ATG5: variants seen among roughly 807,000 people sequenced by gnomAD.
ATG5 encodes autophagy protein 5.
Under a neutral mutation model 36.5 loss-of-function variants are expected in ATG5, and 14 were observed. The observed-to-expected ratio is 0.38, with a 90% confidence interval of 0.25 to 0.60. The LOEUF is 0.60. ATG5 is among the 20% of genes least tolerant of loss of function. The pLI is 0.60. For missense variants in ATG5, 195 were observed against 326.7 expected, an observed-to-expected ratio of 0.60 and a Z score of 3.11; for synonymous variants, 95 against 101.5, an observed-to-expected ratio of 0.94 and a Z score of 0.38.
At chr6:106,276,879 G>A (rs1052342094) in intron 5 of ATG5, among the ~76,000 whole-genome samples, 1 of 152,168 alleles carries the variant, frequency 6.6e-6, no homozygotes, top group Non-Finnish European at 1.5e-5. Context: ...TTAAGGAGGT[G>A]TAAATTATTG....
At chr6:106,203,905 A>G (rs1381871370) in intron 6 of ATG5, among the ~76,000 whole-genome samples, 5 of 152,194 alleles carry the variant, frequency 3.3e-5, no homozygotes, top group Non-Finnish European at 5.9e-5. Context: ...CACAACTGTT[A>G]GAGATTTGGT....
chr6:106,294,439 A>C (rs917690398), intron 3 of ATG5, among the ~76,000 whole-genome samples: 3 of 151,470 alleles, frequency 2.0e-5, no homozygotes, highest in Non-Finnish European at 2.9e-5. Flanking sequence ...TATATATATA[A>C]TTGTATATAT....
chr6:106,278,479 C>G (rs775715285), intron 5 of ATG5, among the ~76,000 whole-genome samples: 2 of 152,114 alleles, frequency 1.3e-5, no homozygotes, highest in Non-Finnish European at 2.9e-5. Context: ...ACATCTTCAT[C>G]CTTTTGTCAC....
At position 106,221,284 on chromosome 6, in the gene ATG5, TTTTA is replaced by T. The variant is rs1391155410; in HGVS notation, c.574-19199_574-19196del. The stretch of plus-strand genomic sequence containing the variant: ...TTCTTCTAAGAGCTGTACATTAAGA[TTTTA>T]TTTGTGATATAAATACTATCAAATA... On this transcript the variant is annotated intron_variant, in intron 6 of 7. Coordinates refer to ENST00000369076, the MANE Select transcript of ATG5 (RefSeq NM_004849.4). Among the ~76,000 whole-genome samples, 14 of 152,338 alleles carry T rather than the reference TTTTA, an allele frequency of 9.2e-5. No individual in the cohort carries two copies. In the East Asian group the frequency reaches 2.5e-3, roughly 27 times the overall value.
intron 4 of ATG5, among the ~76,000 whole-genome samples, chr6:106,284,171 T>TA (rs377465913): frequency 2.0e-5 from 3 of 152,366 alleles, no homozygotes; most frequent in African/African-American, 7.2e-5. Flanking sequence ...ATATCAGAAT[T>TA]ACATATTCAG....
intron 6 of ATG5, among the ~76,000 whole-genome samples, chr6:106,204,043 C>T (rs963614782): frequency 6.6e-6 from 1 of 152,056 alleles, no homozygotes; most frequent in Non-Finnish European, 1.5e-5. Context: ...CACATGGACA[C>T]AGGCAGGGGA....
chr6:106,310,544 CT>C (rs1470192871), intron 2 of ATG5, among the ~76,000 whole-genome samples: 12 of 150,788 alleles, frequency 8.0e-5, no homozygotes, highest in African/African-American at 2.4e-5. Flanking sequence ...GGTTTAAGTT[CT>C]TTTTTTTTCA....
At chr6:106,211,567 G>T (rs1045710126) in intron 6 of ATG5, among the ~76,000 whole-genome samples, 1 of 152,152 alleles carries the variant, frequency 6.6e-6, no homozygotes, top group African/African-American at 2.4e-5. Flanking sequence ...AAAATTAGCC[G>T]GGAGTGGTGG....
intron 6 of ATG5, among the ~76,000 whole-genome samples, chr6:106,246,601 T>C (rs1778350424): frequency 6.6e-6 from 1 of 152,142 alleles, no homozygotes; most frequent in South Asian, 2.1e-4. Flanking sequence ...TTAAGTATAA[T>C]ACATTTTCCC....
chr6:106,215,649 A>G (rs908575964), intron 6 of ATG5, among the ~76,000 whole-genome samples: 1 of 152,120 alleles, frequency 6.6e-6, no homozygotes, highest in Admixed American at 6.5e-5. Context: ...GTAAAACTAT[A>G]AAATTCTTTA....
intron 2 of ATG5, among the ~76,000 whole-genome samples, chr6:106,310,650 G>C (rs1325477066): frequency 6.6e-6 from 1 of 151,870 alleles, no homozygotes; most frequent in Non-Finnish European, 1.5e-5. Flanking sequence ...TCCATCTCCA[G>C]AACTTTTTCA....
At chr6:106,308,333 A>C in intron 3 of ATG5, 31 bp downstream of exon 3, 3 of 1,527,736 alleles carry the variant, frequency 2.0e-6, no homozygotes, top group Non-Finnish European at 2.6e-6. Flanking sequence ...GTATATACTT[A>C]ATGCTTAATA....
chr6:106,261,416 G>A (rs1243706538), intron 5 of ATG5, among the ~76,000 whole-genome samples: 1 of 152,190 alleles, frequency 6.6e-6, no homozygotes, highest in African/African-American at 2.4e-5. Context: ...TACACATGCA[G>A]CCAAATAAGT....
chr6:106,280,614 T>C (rs1454189222), intron 4 of ATG5, among the ~76,000 whole-genome samples: 4 of 152,144 alleles, frequency 2.6e-5, no homozygotes, highest in Non-Finnish European at 5.9e-5. Context: ...ATGAGACGAC[T>C]GATGCACTTT....
At chr6:106,320,559 T>C (rs1299266240) in intron 1 of ATG5, among the ~76,000 whole-genome samples, 1 of 151,754 alleles carries the variant, frequency 6.6e-6, no homozygotes, top group Non-Finnish European at 1.5e-5. Context: ...TCACTTTACT[T>C]CACTAAGCTT....
rs866677412 is a variant in ATG5, at chr6:106,274,081, G to A, written c.478+5580C>T. On this transcript the variant is annotated intron_variant, in intron 5 of 7. Coordinates refer to ENST00000369076, the MANE Select transcript of ATG5 (RefSeq NM_004849.4). ...GCGTTTATTTGCAGGTCTACAGAACGTATCTAATGCCAACCCTCCCCGCCT... is the reference window on the plus strand; with the variant it reads ...GCGTTTATTTGCAGGTCTACAGAACATATCTAATGCCAACCCTCCCCGCCT... Among the ~76,000 whole-genome samples the A allele has an allele frequency of 5.7e-4, 87 of 152,246 alleles. 1 individual carries two copies. The highest frequency in any genetic ancestry group is 3.4e-3 in the Middle Eastern group (1 of 294).
At chr6:106,276,161 T>C (rs1289395044) in intron 5 of ATG5, among the ~76,000 whole-genome samples, 3 of 152,192 alleles carry the variant, frequency 2.0e-5, no homozygotes, top group Non-Finnish European at 4.4e-5. Context: ...GATATTCTCT[T>C]GTTTTATAGA....
chr6:106,247,629 C>T (rs931204392), intron 6 of ATG5, among the ~76,000 whole-genome samples: 1 of 152,174 alleles, frequency 6.6e-6, no homozygotes, highest in Non-Finnish European at 1.5e-5. Flanking sequence ...CAATACATAA[C>T]CTTGTTCTAT....
chr6:106,310,207 A>C (rs763432042), intron 2 of ATG5, among the ~76,000 whole-genome samples: 3 of 152,172 alleles, frequency 2.0e-5, no homozygotes, highest in African/African-American at 4.8e-5. Context: ...AATGAGTCAG[A>C]GATGCCAATG....
Sources: gnomAD v4.1 joint callset for allele counts (sites outside exome capture counted in the v4.1 genomes callset) on GRCh38, gnomAD v4.1.1 for gene constraint, MANE v1.5 for transcripts, NCBI Gene and HGNC (gene_info 2026-07-23, HGNC 2026-07-21) for gene names.